DNMT3A: variants seen among roughly 807,000 people sequenced by gnomAD.
The protein encoded by DNMT3A is DNA methyltransferase 3 alpha.
A neutral mutation model predicts 117.6 loss-of-function variants in DNMT3A; 267 were observed. That is an observed-to-expected ratio of 2.27 (90% CI 2.05 to 2.51). DNMT3A has a LOEUF of 2.51. Among genes scored for constraint, DNMT3A ranks in the 30% most tolerant of loss-of-function variants. The probability of loss-of-function intolerance (pLI) is 0.00; values close to 1 mark genes in which losing one functional copy is unlikely to be tolerated. For missense variants in DNMT3A, 1,029 were observed against 1,260.2 expected (o/e 0.82, Z 2.78); for synonymous variants, 432 against 474.8 (o/e 0.91, Z 1.17).
At chr2:25,278,634 T>G (rs182787358) in intron 4 of DNMT3A, among the ~76,000 whole-genome samples, 5 of 152,330 alleles carry the variant, frequency 3.3e-5, no homozygotes, top group Admixed American at 3.3e-4. Context: ...ACGACCAGCC[T>G]GGCCAACATG....
At chr2:25,245,367 A>G (rs1558667811) in intron 12 of DNMT3A, 35 bp from the exon 13 acceptor site, 1 of 1,591,340 alleles carries the variant, frequency 6.3e-7, no homozygotes, top group Non-Finnish European at 8.6e-7. Flanking sequence ...GGTGAGTACC[A>G]CCGAAGGGCC....
At chr2:25,240,801 A>G in intron 17 of DNMT3A, 71 bp from the exon 18 acceptor site, 2 of 1,494,220 alleles carry the variant, frequency 1.3e-6, no homozygotes, top group Non-Finnish European at 9.3e-7. Flanking sequence ...AAGAGAAATT[A>G]TCTGTGAACT....
Position 25,282,702 on chromosome 2 carries a change from C to T in DNMT3A, c.187G>A (p.Gly63Ser), listed in dbSNP as rs781108426. The T allele has an allele frequency of 7.2e-6, 11 of 1,525,676 alleles. No individual in the cohort carries two copies. The highest frequency in any genetic ancestry group is 4.4e-5 in the Admixed American group (2 of 45,972). The allele number at this position is 1,525,676 out of a possible 1,614,324, so 94.5% of individuals were successfully genotyped here. A position where few individuals can be genotyped will look rare whatever the true frequency, so the allele number is the denominator to read the frequency against. ...RKRKHPPVES[G>S]DTPKDPAVIS... ...ACCGCAGGGTCCTTTGGCGTGTCAC[C>T]GCTTTCCACCTGCAAATGTAAGAAA... The change falls in exon 4 of 23, where the codon GGT becomes AGT. Residue 63 changes from glycine (G) to serine (S), a missense_variant. By Grantham distance (56) the Gly-to-Ser change is moderately conservative (BLOSUM62 0). Transcript: ENST00000321117. This position sits in a 1 kb window ranked among gnomAD's most constrained non-coding sequence, Gnocchi z 5.2.
At chr2:25,274,230 G>T (rs116551450) in intron 6 of DNMT3A, among the ~76,000 whole-genome samples, 83 of 152,250 alleles carry the variant, frequency 5.5e-4, no homozygotes, top group Non-Finnish European at 8.7e-4. Flanking sequence ...CCTCCCTGCC[G>T]GTCCATCAGC....
Position 25,234,226 on chromosome 2 carries a change from TTTTG to T in DNMT3A, c.*49_*52del, listed in dbSNP as rs1336825801. The stretch of plus-strand genomic sequence containing the variant: ...TTGGTGTTTTATTATGTTTTGTGTT[TTTTG>T]TTTGTTTGTTTAACTTTGTGTCGCT... On this transcript the variant is annotated 3_prime_UTR_variant, in exon 23 of 23. Coordinates refer to ENST00000321117, the MANE Select transcript of DNMT3A (RefSeq NM_022552.5). The surrounding 1 kb of genome is among the most constrained non-coding windows in gnomAD (Gnocchi z 4.5). The T allele has an allele frequency of 1.2e-5, 19 of 1,567,242 alleles. No individual in the cohort carries two copies. The Admixed American group carries it at 1.6e-4, about 13-fold the overall frequency.
chr2:25,265,166 T>C (rs78720491), intron 6 of DNMT3A, among the ~76,000 whole-genome samples: 3,262 of 152,226 alleles, frequency 0.021, 54 homozygotes, highest in Non-Finnish European at 0.035. Flanking sequence ...CAGGACCACA[T>C]GAGTAGAGCA....
At chr2:25,299,990 A>G in intron 3 of DNMT3A, 149 bp downstream of exon 3, 1 of 628,774 alleles carries the variant, frequency 1.6e-6, no homozygotes, top group Non-Finnish European at 2.5e-6. Flanking sequence ...GATTTGAAGA[A>G]TGGGGTACCT....
intron 2 of DNMT3A, 119 bp from the exon 3 acceptor site, chr2:25,300,362 G>A: frequency 1.7e-6 from 2 of 1,168,618 alleles, no homozygotes; most frequent in South Asian, 3.0e-5. Flanking sequence ...TGTCCCACGA[G>A]CCACACTTCC....
chr2:25,283,484 G>C (rs75728081), intron 3 of DNMT3A, among the ~76,000 whole-genome samples: 1 of 152,000 alleles, frequency 6.6e-6, no homozygotes, highest in African/African-American at 2.4e-5. Flanking sequence ...GACTTCTGTG[G>C]TCAGTGCCCT....
intron 1 of DNMT3A, among the ~76,000 whole-genome samples, chr2:25,315,291 G>A (rs1210587658): frequency 6.6e-6 from 1 of 152,238 alleles, no homozygotes; most frequent in Non-Finnish European, 1.5e-5. Flanking sequence ...CTCCAGGGGT[G>A]CATTCTTGCC....
At chr2:25,307,276 A>G (rs1177612374) in intron 2 of DNMT3A, among the ~76,000 whole-genome samples, 1 of 152,104 alleles carries the variant, frequency 6.6e-6, no homozygotes, top group East Asian at 1.9e-4. Context: ...GGTACCAGAG[A>G]GGAAAGGCTC....
At chr2:25,245,470 G>A (rs1031504950) in intron 12 of DNMT3A, 138 bp from the exon 13 acceptor site, 11 of 695,202 alleles carry the variant, frequency 1.6e-5, no homozygotes, top group South Asian at 1.1e-4. Context: ...GGTGCCCCAC[G>A]GAAAAGGGAG....
intron 1 of DNMT3A, among the ~76,000 whole-genome samples, chr2:25,335,097 G>A (rs1229222527): frequency 3.3e-5 from 5 of 151,916 alleles, no homozygotes; most frequent in South Asian, 2.1e-4. Context: ...TATTTGTATC[G>A]ATTTTAAAGA....
At position 25,252,008 on chromosome 2, in the gene DNMT3A, A is replaced by T; in HGVS notation, c.640-3756T>A. ...GAGTGGGGCCTTGGGGCTCGTGGGC[A>T]GGAAGGCGGCGGGCCAGCACTAAGT... On this transcript the variant is annotated intron_variant, in intron 6 of 22. Transcript: ENST00000321117. The surrounding 1 kb of genome is among the most constrained non-coding windows in gnomAD (Gnocchi z 5.5). 1.5e-6 allele frequency: 1 copy of T among 681,442 alleles called. No homozygotes were observed. Among genetic ancestry groups the T allele is most frequent in the Non-Finnish European group, 2.3e-6 (1 of 437,660 alleles). The allele number at this position is 681,442 out of a possible 1,614,324, so 42.2% of individuals were successfully genotyped here.
At chr2:25,292,903 A>T (rs975647545) in intron 3 of DNMT3A, among the ~76,000 whole-genome samples, 2 of 152,082 alleles carry the variant, frequency 1.3e-5, no homozygotes, top group East Asian at 3.9e-4. Flanking sequence ...AGAAAAGCTC[A>T]TGGGGCCCCA....
At position 25,253,240 on chromosome 2, in the gene DNMT3A, G is replaced by C. The variant is rs1341112982; in HGVS notation, c.640-4988C>G. ...AAGGCAGACGCAGTCCCCACCCACAGCCCTCCATTACGTTGGCTGTAGGAT... is the reference window on the plus strand; with the variant it reads ...AAGGCAGACGCAGTCCCCACCCACACCCCTCCATTACGTTGGCTGTAGGAT... On this transcript the variant is annotated intron_variant, in intron 6 of 22. Coordinates refer to ENST00000321117, the MANE Select transcript of DNMT3A (RefSeq NM_022552.5). Among the ~76,000 whole-genome samples, 4 of 152,122 alleles carry C rather than the reference G, an allele frequency of 2.6e-5. 1 individual carries two copies. Among genetic ancestry groups the C allele is most frequent in the Non-Finnish European group, 2.9e-5 (2 of 68,024 alleles).
At chr2:25,336,662 C>T (rs904613416) in intron 1 of DNMT3A, among the ~76,000 whole-genome samples, 4 of 152,038 alleles carry the variant, frequency 2.6e-5, no homozygotes, top group Non-Finnish European at 4.4e-5. Flanking sequence ...CCCCACTGGC[C>T]GCCACGCTGA....
At chr2:25,322,459 C>T (rs941672369) in intron 1 of DNMT3A, among the ~76,000 whole-genome samples, 2 of 152,000 alleles carry the variant, frequency 1.3e-5, no homozygotes, top group Non-Finnish European at 2.9e-5. Flanking sequence ...CTCCACCCCC[C>T]ACCCTCACGA....
In DNMT3A at chr2:25,239,210, G is replaced by A. The variant is rs1355392107; in HGVS notation, c.2328C>T (p.Asn776=). 1.9e-6 allele frequency: 3 copies of A among 1,613,784 alleles called. No individual in the cohort carries two copies. The Admixed American group carries it at 5.0e-5, about 27-fold the overall frequency. Residue 776 remains asparagine (N), a synonymous_variant, in exon 20 of 23, where the codon AAC becomes AAT. Transcript: ENST00000321117. The part of the protein sequence containing the change: ...KRDISRFLES[N]PVMIDAKEVS... ...CTTCTTTGGCATCAATCATCACAGGGTTGGACTACAAAACAGGAGACGGTT... is the reference window on the plus strand; with the variant it reads ...CTTCTTTGGCATCAATCATCACAGGATTGGACTACAAAACAGGAGACGGTT...
Sources: gnomAD v4.1 joint callset for allele counts (sites outside exome capture counted in the v4.1 genomes callset) on GRCh38, gnomAD v4.1.1 for gene constraint, Gnocchi (gnomAD v3.1) non-coding constraint, MANE v1.5 for transcripts, NCBI Gene and HGNC (gene_info 2026-07-23, HGNC 2026-07-21) for gene names.